The following MBP variants were observed in gnomAD, a reference collection of about 807,000 sequenced individuals.
MBP encodes the protein Golli-MBP.
A neutral mutation model predicts 35.8 loss-of-function variants in MBP; 16 were observed. That is an observed-to-expected ratio of 0.45 (90% confidence interval 0.30 to 0.68). The LOEUF is 0.68. Ranked by LOEUF, MBP falls within the 30% of genes least tolerant of loss-of-function variation. The pLI is 0.08. For missense variants in MBP, 380 were observed against 404.7 expected (o/e 0.94, Z 0.52); for synonymous variants, 143 against 159.6 (o/e 0.90, Z 0.78).
Position 77,101,361 on chromosome 18 carries a change from C to T in MBP, c.51+3850G>A, listed in dbSNP as rs943731302. On this transcript the variant is annotated intron_variant, in intron 2 of 8. Transcript: ENST00000355994. The surrounding 1 kb of genome is among the most constrained non-coding windows in gnomAD (Gnocchi z 4.3). ...GCAGGACCATTTGGAAACCAAATTT[C>T]CCTGCAACTTAAAAAACACAGGGAG... is the stretch of plus-strand genomic sequence containing the variant. Among the ~76,000 whole-genome samples, 1 of 152,212 alleles carries T rather than the reference C, an allele frequency of 6.6e-6. No individual in the cohort carries two copies. Among genetic ancestry groups the T allele is most frequent in the Non-Finnish European group, 1.5e-5 (1 of 68,040 alleles).
Position 77,102,153 on chromosome 18 carries a change from A to G in MBP, c.51+3058T>C, listed in dbSNP as rs1443965403. Among the ~76,000 whole-genome samples the G allele has an allele frequency of 6.6e-6, 1 of 151,818 alleles. No homozygotes were observed. Among genetic ancestry groups the G allele is most frequent in the Non-Finnish European group, 1.5e-5 (1 of 68,008 alleles). On this transcript the variant is annotated intron_variant, in intron 2 of 8. Transcript: ENST00000355994. The surrounding 1 kb of genome is among the most constrained non-coding windows in gnomAD (Gnocchi z 4.4). ...GGGGAGAGGTGGAGAAGGTGGCAGC[A>G]GGGTGGGAAGGAGGGGGCCCTCAGC...
intron 3 of MBP, 51 bp downstream of exon 3, chr18:77,066,247 G>A (rs1005678050): frequency 3.7e-6 from 5 of 1,348,388 alleles, no homozygotes; most frequent in Non-Finnish European, 5.3e-6. Flanking sequence ...GAGAGTGCAG[G>A]TGCACGCTGT....
chr18:77,022,479 T>TTCAA (rs1972029099), intron 3 of MBP, among the ~76,000 whole-genome samples: 1 of 152,234 alleles, frequency 6.6e-6, no homozygotes, highest in Non-Finnish European at 1.5e-5. Flanking sequence ...AGTACATCAT[T>TTCAA]GCACTGTAGT....
chr18:77,066,723 C>G (rs1358050021), intron 2 of MBP: 12 of 531,520 alleles, frequency 2.3e-5, no homozygotes, highest in South Asian at 1.7e-4. Context: ...GCTTTAGATT[C>G]TAAGTGACAC....
chr18:76,986,004 C>G (rs1463450328), intron 7 of MBP: 1 of 985,422 alleles, frequency 1.0e-6, no homozygotes, highest in Non-Finnish European at 1.2e-6. Flanking sequence ...ACTGTGCTGT[C>G]TTCTCGAGTG....
chr18:77,014,892 T>C, intron 4 of MBP: 2 of 983,764 alleles, frequency 2.0e-6, no homozygotes, highest in Non-Finnish European at 2.4e-6. Flanking sequence ...AAAGAATGGA[T>C]ACTTCAAAAT....
At chr18:77,087,053 A>G (rs1975264327) in intron 2 of MBP, among the ~76,000 whole-genome samples, 1 of 152,220 alleles carries the variant, frequency 6.6e-6, no homozygotes, top group Admixed American at 6.5e-5. Flanking sequence ...TTCATCAATC[A>G]CTACAGCCCC....
intron 3 of MBP, among the ~76,000 whole-genome samples, chr18:77,056,079 T>C (rs982770272): frequency 5.9e-5 from 9 of 152,262 alleles, no homozygotes; most frequent in Non-Finnish European, 1.0e-4. Flanking sequence ...GGTGCATTTG[T>C]GCCAGCGCAT....
intron 3 of MBP, among the ~76,000 whole-genome samples, chr18:77,033,770 CCAT>C (rs1972633310): frequency 7.6e-6 from 1 of 132,206 alleles, no homozygotes; most frequent in Non-Finnish European, 1.6e-5. Flanking sequence ...ATCCATCCAT[CCAT>C]CCATCCATCC....
intron 3 of MBP, among the ~76,000 whole-genome samples, chr18:77,059,014 G>GA (rs34447266): frequency 0.99 from 150,039 of 152,278 alleles, 73,950 homozygotes; most frequent in Middle Eastern, 1. Context: ...GCGTGCTGGG[G>GA]AAATAGGCAT....
chr18:77,070,113 A>C (rs11664952), intron 2 of MBP, among the ~76,000 whole-genome samples: 21,083 of 152,242 alleles, frequency 0.14, 1,579 homozygotes, highest in South Asian at 0.24. Flanking sequence ...CAAAACAAAT[A>C]ATGCAGATGA....
intron 2 of MBP, chr18:77,067,766 TC>T: frequency 6.1e-6 from 3 of 489,908 alleles, no homozygotes; most frequent in South Asian, 4.4e-5. Flanking sequence ...ATCTCTCATT[TC>T]CTGGGAGCCT....
chr18:77,021,628 C>T (rs369960602), intron 3 of MBP, among the ~76,000 whole-genome samples: 21 of 152,094 alleles, frequency 1.4e-4, no homozygotes, highest in Admixed American at 4.6e-4. Flanking sequence ...GGATTACAGG[C>T]GCCTGCCACT....
intron 3 of MBP, among the ~76,000 whole-genome samples, chr18:77,056,388 C>T (rs1443290381): frequency 3.9e-5 from 6 of 152,184 alleles, no homozygotes; most frequent in African/African-American, 7.2e-5. Flanking sequence ...ATTATTTCTC[C>T]GTCCCTTTGA....
chr18:77,123,604 A>G (rs1289868382), intron 1 of MBP, among the ~76,000 whole-genome samples: 1 of 152,222 alleles, frequency 6.6e-6, no homozygotes, highest in Non-Finnish European at 1.5e-5. Context: ...GCCCGACCCC[A>G]AGACTGTGGG....
intron 4 of MBP, among the ~76,000 whole-genome samples, chr18:76,993,226 T>C (rs1365705581): frequency 6.6e-6 from 1 of 152,172 alleles, no homozygotes; most frequent in African/African-American, 2.4e-5. Context: ...AATTCCTGCC[T>C]GAGAGGTTTT....
chr18:76,987,028 T>C (rs1321130750), intron 7 of MBP: 2 of 985,174 alleles, frequency 2.0e-6, no homozygotes, highest in East Asian at 1.1e-4. Flanking sequence ...GGATTTTGCT[T>C]TGGAAAAAAG....
At chr18:77,114,486 C>G (rs917385596) in intron 1 of MBP, 4 of 152,246 alleles carry the variant, frequency 2.6e-5, no homozygotes, top group African/African-American at 4.8e-5. Context: ...GTTAGATTAG[C>G]ATTTGAAATT....
Position 77,117,249 on chromosome 18 carries a change from T to C in MBP, c.-25-11963A>G, listed in dbSNP as rs757237283. Among the ~76,000 whole-genome samples the C allele has an allele frequency of 5.9e-5, 9 of 152,246 alleles. 1 individual carries two copies. Among genetic ancestry groups the C allele is most frequent in the Non-Finnish European group, 1.0e-4 (7 of 68,044 alleles). On this transcript the variant is annotated intron_variant, in intron 1 of 8. Transcript: ENST00000355994. Reference sequence around the variant, plus strand: ...TCTTTTAAAACTCTGTTATTAAAAATGGCATTTAAATGAATGATTCAATAA... The same window carrying C: ...TCTTTTAAAACTCTGTTATTAAAAACGGCATTTAAATGAATGATTCAATAA...
Sources: allele counts gnomAD v4.1 joint callset (sites outside exome capture counted in the v4.1 genomes callset), GRCh38; gene constraint gnomAD v4.1.1; non-coding constraint Gnocchi (gnomAD v3.1); transcripts MANE v1.5; gene names NCBI Gene and HGNC (gene_info 2026-07-23, HGNC 2026-07-21).